The following UGT8 variants were observed in gnomAD, a reference collection of about 807,000 sequenced individuals.
UGT8 encodes UDP glycosyltransferase 8.
In UGT8, 12 loss-of-function variants were observed where a neutral mutation model predicts 40.5. The ratio of observed to expected loss-of-function variants is 0.30; its 90% CI spans 0.19 to 0.48. The LOEUF is 0.48. Among genes scored for constraint, UGT8 ranks in the 20% least tolerant of loss-of-function variants. The probability of loss-of-function intolerance (pLI) is 0.99; values close to 1 mark genes in which losing one functional copy is unlikely to be tolerated. For synonymous variants in UGT8, 224 were observed against 240.4 expected (o/e 0.93, Z 0.63); for missense variants, 513 against 648.7 (o/e 0.79, Z 2.27).
At chr4:114,646,519 T>G (rs765827944) in intron 2 of UGT8, among the ~76,000 whole-genome samples, 3 of 152,068 alleles carry the variant, frequency 2.0e-5, no homozygotes, top group Admixed American at 6.6e-5. Context: ...ATGAAAAAAA[T>G]TATTTTCCAA....
chr4:114,665,025 C>G (rs1224401681), intron 3 of UGT8, among the ~76,000 whole-genome samples: 1 of 152,134 alleles, frequency 6.6e-6, no homozygotes, highest in East Asian at 1.9e-4. Context: ...ATTGGGTTTC[C>G]TCTGTTAGGC....
intron 1 of UGT8, among the ~76,000 whole-genome samples, chr4:114,617,156 A>T (rs1731493835): frequency 6.6e-6 from 1 of 152,192 alleles, no homozygotes; most frequent in Non-Finnish European, 1.5e-5. Flanking sequence ...CAGGAGGCTG[A>T]GGCAGGAGAA....
chr4:114,637,322 T>C (rs1298089803), intron 2 of UGT8, among the ~76,000 whole-genome samples: 1 of 152,178 alleles, frequency 6.6e-6, no homozygotes, highest in Non-Finnish European at 1.5e-5. Flanking sequence ...TCTTTTCTGA[T>C]TTGAGAATAA....
At chr4:114,614,840 C>CTTTT (rs68162513) in intron 1 of UGT8, among the ~76,000 whole-genome samples, 1 of 98,532 alleles carries the variant, frequency 1.0e-5, no homozygotes, top group African/African-American at 3.6e-5. Flanking sequence ...AGGTGCCAGA[C>CTTTT]TTTTTTTTTT....
rs1578398012 is a variant in UGT8, at chr4:114,605,668, C to A, written c.-3+6694C>A. On this transcript the variant is annotated intron_variant, in intron 1 of 5. Transcript: ENST00000310836. Reference sequence around the variant, plus strand: ...GGGGCTAATTTTCTTCCAAGTGAAACATCAAGTTTAAATAATGTGCACATG... The same window carrying A: ...GGGGCTAATTTTCTTCCAAGTGAAAAATCAAGTTTAAATAATGTGCACATG... Among the ~76,000 whole-genome samples, 7 of 152,140 alleles carry A rather than the reference C, an allele frequency of 4.6e-5. 2 individuals are homozygous for A. The highest frequency in any genetic ancestry group is 4.6e-4 in the Admixed American group (7 of 15,278).
intron 2 of UGT8, among the ~76,000 whole-genome samples, chr4:114,625,421 G>A (rs868229367): frequency 6.8e-6 from 1 of 147,816 alleles, no homozygotes; most frequent in Non-Finnish European, 1.5e-5. Context: ...TGAGGTGGGA[G>A]GATCACTTGA....
At chr4:114,638,070 A>C (rs1174836218) in intron 2 of UGT8, among the ~76,000 whole-genome samples, 1 of 152,196 alleles carries the variant, frequency 6.6e-6, no homozygotes, top group African/African-American at 2.4e-5. Context: ...TTAGAATGAC[A>C]TGTGGTGCTT....
At chr4:114,675,214 T>C (rs1161610215) in intron 5 of UGT8, among the ~76,000 whole-genome samples, 1 of 152,210 alleles carries the variant, frequency 6.6e-6, no homozygotes, top group Non-Finnish European at 1.5e-5. Context: ...TGTATCTTTT[T>C]CTCCATCTTT....
intron 1 of UGT8, among the ~76,000 whole-genome samples, chr4:114,612,278 A>C (rs554814344): frequency 6.6e-6 from 1 of 152,172 alleles, no homozygotes; most frequent in African/African-American, 2.4e-5. Context: ...GACATTGTAC[A>C]AGTGTAGCCT....
chr4:114,665,645 T>G, intron 3 of UGT8, 35 bp from the exon 4 acceptor site: 6 of 1,559,930 alleles, frequency 3.8e-6, no homozygotes, highest in Non-Finnish European at 4.3e-6. Context: ...TAAGGTTTGA[T>G]TTTTAAAAGA....
intron 5 of UGT8, among the ~76,000 whole-genome samples, chr4:114,671,524 C>T (rs1735276890): frequency 6.6e-6 from 1 of 152,144 alleles, no homozygotes. Context: ...TTACACCACA[C>T]ATCTACAACC....
At chr4:114,600,692 G>A (rs1359118676) in intron 1 of UGT8, among the ~76,000 whole-genome samples, 1 of 152,034 alleles carries the variant, frequency 6.6e-6, no homozygotes, top group Non-Finnish European at 1.5e-5. Context: ...TTGTCCCCAG[G>A]AGATTTTAAA....
At chr4:114,662,522 G>A (rs1211909702) in intron 2 of UGT8, among the ~76,000 whole-genome samples, 1 of 152,108 alleles carries the variant, frequency 6.6e-6, no homozygotes, top group African/African-American at 2.4e-5. Context: ...CAATGTTTTG[G>A]TAAGGTTTTC....
At chr4:114,611,495 T>TA (rs1731077597) in intron 1 of UGT8, among the ~76,000 whole-genome samples, 1 of 133,594 alleles carries the variant, frequency 7.5e-6, no homozygotes, top group South Asian at 2.3e-4. Flanking sequence ...TATTATATAT[T>TA]AGATATCTAT....
intron 2 of UGT8, among the ~76,000 whole-genome samples, chr4:114,626,445 T>C (rs1732226918): frequency 6.6e-6 from 1 of 152,210 alleles, no homozygotes; most frequent in Non-Finnish European, 1.5e-5. Flanking sequence ...TAAATGATTT[T>C]ACAGTGGGAC....
rs191153378 is a variant in UGT8 at position 114,635,376 on chromosome 4, T to G, written c.822+11674T>G. Among the ~76,000 whole-genome samples, 3 of 152,042 alleles carry G rather than the reference T, an allele frequency of 2.0e-5. No homozygotes were observed. In the East Asian group the frequency reaches 5.8e-4, roughly 30 times the overall value. Reference sequence around the variant, plus strand: ...AAAAAAAAAAAAATTCAAGCCACCATATTATTTGATTTTGTACAATACAGA... The same window carrying G: ...AAAAAAAAAAAAATTCAAGCCACCAGATTATTTGATTTTGTACAATACAGA... On this transcript the variant is annotated intron_variant, in intron 2 of 5. Transcript: ENST00000310836.
rs751589059 is a variant in UGT8, at chr4:114,623,256, G to T, written c.376G>T (p.Gly126Cys). The change falls in exon 2 of 6, where the codon GGT becomes TGT. Residue 126 changes from glycine to cysteine, a missense_variant. By Grantham distance (159) the Gly-to-Cys change is radical. Transcript: ENST00000310836. ...LMVGNHALIQGLKKEKFDLLL... is the reference protein window; with the variant it reads ...LMVGNHALIQCLKKEKFDLLL... Reference sequence around the variant, plus strand: ...GGTTGGCAACCATGCCCTGATCCAGGGTCTGAAGAAAGAAAAATTTGACCT... The same window carrying T: ...GGTTGGCAACCATGCCCTGATCCAGTGTCTGAAGAAAGAAAAATTTGACCT... 7.2e-5 allele frequency: 117 copies of T among 1,613,908 alleles called. No individual in the cohort carries two copies. The East Asian group carries it at 2.4e-3, about 33-fold the overall frequency.
rs529750573 is a variant in UGT8, at chr4:114,665,786, G to C, written c.1042+30G>C. ...GTCAATGATGTGTGGTTACTTACTTGGCTGTTAGGTTTTAATTACATAAAT... is the reference window on the plus strand; with the variant it reads ...GTCAATGATGTGTGGTTACTTACTTCGCTGTTAGGTTTTAATTACATAAAT... On this transcript the variant is annotated intron_variant, in intron 4 of 5. Transcript: ENST00000310836. 404 of 1,558,058 alleles carry C rather than the reference G, an allele frequency of 2.6e-4. 6 individuals are homozygous for C. The South Asian group carries it at 4.6e-3, about 18-fold the overall frequency.
intron 1 of UGT8, among the ~76,000 whole-genome samples, chr4:114,604,541 T>C (rs1342587095): frequency 6.6e-6 from 1 of 151,622 alleles, no homozygotes; most frequent in African/African-American, 2.4e-5. Context: ...TCTGTTTGGA[T>C]GAAGTGATGC....
Sources: allele counts gnomAD v4.1 joint callset (sites outside exome capture counted in the v4.1 genomes callset), GRCh38; gene constraint gnomAD v4.1.1; transcripts MANE v1.5; gene names NCBI Gene and HGNC (gene_info 2026-07-23, HGNC 2026-07-21).